ITFG1: variants seen among roughly 807,000 people sequenced by gnomAD.
ITFG1 encodes the protein T-cell immunomodulatory protein.
Under a neutral mutation model 81.8 loss-of-function variants are expected in ITFG1, and 34 were observed. The observed-to-expected ratio is 0.42, with a 90% confidence interval of 0.32 to 0.55. The LOEUF (loss-of-function observed/expected upper bound fraction) is 0.55. Among genes scored for constraint, ITFG1 ranks in the 20% least tolerant of loss-of-function variants. The pLI is 0.17. For synonymous variants in ITFG1, 285 were observed against 270.6 expected, an observed-to-expected ratio of 1.05 and a Z score of -0.52; for missense variants, 672 against 755.4, an observed-to-expected ratio of 0.89 and a Z score of 1.29.
intron 13 of ITFG1, among the ~76,000 whole-genome samples, chr16:47,230,268 A>G (rs1965800926): frequency 1.3e-5 from 2 of 152,110 alleles, no homozygotes; most frequent in Non-Finnish European, 2.9e-5. Context: ...GTAGGAGGAG[A>G]GCTGGGAAGA....
chr16:47,252,594 C>T (rs1004811561), intron 12 of ITFG1, among the ~76,000 whole-genome samples: 6 of 152,142 alleles, frequency 3.9e-5, no homozygotes, highest in African/African-American at 1.4e-4. Context: ...GGAGAGGGGA[C>T]CCCACAATTC....
intron 6 of ITFG1, 95 bp downstream of exon 6, chr16:47,428,709 T>C: frequency 3.8e-6 from 3 of 789,048 alleles, no homozygotes; most frequent in Non-Finnish European, 6.4e-6. Context: ...ATTTCAACAT[T>C]TACTTCATTA....
intron 14 of ITFG1, among the ~76,000 whole-genome samples, chr16:47,197,814 C>T (rs1259078850): frequency 6.6e-6 from 1 of 152,184 alleles, no homozygotes; most frequent in Non-Finnish European, 1.5e-5. Flanking sequence ...GGCCACATTT[C>T]AAAATGGTTA....
chr16:47,401,724 CTCT>C (rs1968663950), intron 6 of ITFG1, among the ~76,000 whole-genome samples: 1 of 152,098 alleles, frequency 6.6e-6, no homozygotes, highest in African/African-American at 2.4e-5. Context: ...GTGCAAAGCA[CTCT>C]TTATGTGTTT....
chr16:47,436,157 T>C (rs1969163804), intron 5 of ITFG1, among the ~76,000 whole-genome samples: 1 of 152,148 alleles, frequency 6.6e-6, no homozygotes, highest in Non-Finnish European at 1.5e-5. Flanking sequence ...GGATTCTTTT[T>C]AGTGATGGTT....
chr16:47,257,245 T>G (rs952547393), intron 12 of ITFG1, among the ~76,000 whole-genome samples: 15 of 152,156 alleles, frequency 9.9e-5, no homozygotes, highest in Admixed American at 7.2e-4. Context: ...CCAAGGAATC[T>G]TCAAAAAACC....
At chr16:47,461,134 C>T, upstream of ITFG1, 2 of 1,294,582 alleles carry the variant, frequency 1.5e-6, no homozygotes, top group Non-Finnish European at 2.1e-6. Context: ...GAGTGGCGCG[C>T]AGCCCCGGGA....
intron 10 of ITFG1, among the ~76,000 whole-genome samples, chr16:47,271,184 C>T (rs183427316): frequency 7.9e-5 from 12 of 151,924 alleles, no homozygotes; most frequent in Admixed American, 7.9e-4. Flanking sequence ...GATGACAACC[C>T]ACAGAAAGGG....
At chr16:47,289,581 T>C (rs1373273014) in intron 10 of ITFG1, among the ~76,000 whole-genome samples, 2 of 152,160 alleles carry the variant, frequency 1.3e-5, no homozygotes, top group South Asian at 2.1e-4. Context: ...TCTTGGTGGA[T>C]TGTATGTGTA....
chr16:47,323,023 A>G (rs1967471895), intron 8 of ITFG1, among the ~76,000 whole-genome samples: 1 of 152,134 alleles, frequency 6.6e-6, no homozygotes, highest in South Asian at 2.1e-4. Flanking sequence ...CCAGGCTTCA[A>G]TATTATCTCA....
chr16:47,177,548 C>G (rs907977483), intron 14 of ITFG1, among the ~76,000 whole-genome samples: 1 of 152,028 alleles, frequency 6.6e-6, no homozygotes, highest in Non-Finnish European at 1.5e-5. Flanking sequence ...GACATGTAAA[C>G]TTTTAGAAAA....
intron 2 of ITFG1, among the ~76,000 whole-genome samples, chr16:47,456,986 T>G (rs1472457636): frequency 6.6e-6 from 1 of 152,114 alleles, no homozygotes; most frequent in Non-Finnish European, 1.5e-5. Flanking sequence ...CATAGAAAAC[T>G]ATGCAATCTA....
chr16:47,412,209 T>TC (rs1218429181), intron 6 of ITFG1, among the ~76,000 whole-genome samples: 1 of 152,130 alleles, frequency 6.6e-6, no homozygotes, highest in Non-Finnish European at 1.5e-5. Context: ...TCAGAGTGTC[T>TC]CCTTACCTCC....
chr16:47,351,079 T>C (rs868513514), intron 8 of ITFG1, among the ~76,000 whole-genome samples: 8 of 152,114 alleles, frequency 5.3e-5, no homozygotes, highest in Non-Finnish European at 7.4e-5. Context: ...TAAGAGCTAT[T>C]TATGACAAAA....
chr16:47,461,063 C>A lies in ITFG1; in HGVS notation c.-18G>T. 1.3e-6 allele frequency: 2 copies of A among 1,517,176 alleles called. No homozygotes were observed. Among genetic ancestry groups the A allele is most frequent in the Non-Finnish European group, 1.8e-6 (2 of 1,137,908 alleles). The allele number at this position is 1,517,176 out of a possible 1,614,324, so 94.0% of individuals were successfully genotyped here. Reference sequence around the variant, plus strand: ...GCCGCCATGGCAGCCCCTCAGCCCCCGCCCGCCGGCCCAACGCCGCGCTTG... The same window carrying A: ...GCCGCCATGGCAGCCCCTCAGCCCCAGCCCGCCGGCCCAACGCCGCGCTTG... On this transcript the variant is annotated 5_prime_UTR_variant, in exon 1 of 18. Coordinates refer to ENST00000320640, the MANE Select transcript of ITFG1 (RefSeq NM_030790.5).
intron 6 of ITFG1, among the ~76,000 whole-genome samples, chr16:47,401,702 T>G (rs190801389): frequency 4.6e-5 from 7 of 152,276 alleles, no homozygotes; most frequent in Admixed American, 2.6e-4. Context: ...AAATCAATTT[T>G]GAAAATTATC....
intron 5 of ITFG1, among the ~76,000 whole-genome samples, chr16:47,443,546 C>T (rs565343786): frequency 3.9e-5 from 6 of 152,280 alleles, no homozygotes; most frequent in Non-Finnish European, 7.3e-5. Flanking sequence ...GGCACATATA[C>T]ACCATGGAAT....
At chr16:47,295,030 G>A (rs903409544) in intron 10 of ITFG1, among the ~76,000 whole-genome samples, 2 of 152,016 alleles carry the variant, frequency 1.3e-5, no homozygotes, top group African/African-American at 4.8e-5. Context: ...TTTGTGGCAT[G>A]CTCACTATGC....
At chr16:47,223,657 C>T (rs1034788220) in intron 13 of ITFG1, among the ~76,000 whole-genome samples, 4 of 152,082 alleles carry the variant, frequency 2.6e-5, no homozygotes, top group East Asian at 1.9e-4. Flanking sequence ...GTCAGTGTGG[C>T]GATTCCTCAG....
Sources: allele counts gnomAD v4.1 joint callset (sites outside exome capture counted in the v4.1 genomes callset), GRCh38; gene constraint gnomAD v4.1.1; transcripts MANE v1.5; gene names NCBI Gene and HGNC (gene_info 2026-07-23, HGNC 2026-07-21).